The following ANKRD36 variants were observed in gnomAD, a reference collection of about 807,000 sequenced individuals.
ANKRD36 encodes ankyrin repeat domain-containing protein 36A.
ANKRD36 carries 179 observed loss-of-function variants against 278.1 expected under a neutral mutation model. That is an observed-to-expected ratio of 0.64 (90% CI 0.57 to 0.73). The LOEUF is 0.73. Ranked by LOEUF, ANKRD36 falls within the 30% of genes least tolerant of loss-of-function variation. The pLI is 0.00. For missense variants in ANKRD36, 1,159 were observed against 1,956.7 expected, an observed-to-expected ratio of 0.59 and a Z score of 7.69; for synonymous variants, 320 against 641.1, an observed-to-expected ratio of 0.50 and a Z score of 7.57.
At chr2:97,225,993 T>A (rs1228888022) in intron 67 of ANKRD36, among the ~76,000 whole-genome samples, 1 of 151,846 alleles carries the variant, frequency 6.6e-6, no homozygotes, top group East Asian at 2.0e-4. Flanking sequence ...CCATGGTGTC[T>A]ATGTGCCATA....
rs1478824647 is a variant in ANKRD36, at chr2:97,190,495, TCAA to T, written c.2246-482_2246-480del. ...CACTGAAGAGATGCGAAGTGTACTT[TCAA>T]GTGAATTGTCATGGTAATTGTGTGC... On this transcript the variant is annotated intron_variant, in intron 34 of 75. Transcript: ENST00000420699. 2.0e-5 allele frequency among the ~76,000 whole-genome samples: 3 copies of T among 151,836 alleles called. No individual in the cohort carries two copies. In the East Asian group the frequency reaches 5.9e-4, roughly 30 times the overall value.
At chr2:97,123,792 A>G (rs2037656322) in intron 4 of ANKRD36, among the ~76,000 whole-genome samples, 1 of 133,064 alleles carries the variant, frequency 7.5e-6, no homozygotes, top group Non-Finnish European at 1.7e-5. Flanking sequence ...TACAATATAT[A>G]CTTTATAGAT....
At chr2:97,203,699 G>C (rs188313593) in intron 48 of ANKRD36, among the ~76,000 whole-genome samples, 74 of 151,928 alleles carry the variant, frequency 4.9e-4, no homozygotes, top group Admixed American at 4.8e-3. Flanking sequence ...CTGTATGAAA[G>C]ACATGTGGGA....
chr2:97,128,573 G>C (rs1329541283), intron 6 of ANKRD36, among the ~76,000 whole-genome samples: 1 of 151,894 alleles, frequency 6.6e-6, no homozygotes, highest in Non-Finnish European at 1.5e-5. Context: ...TCCAAATATG[G>C]GGAACAAATC....
At chr2:97,197,739 G>C (rs1374682721) in intron 42 of ANKRD36, among the ~76,000 whole-genome samples, 10 of 151,910 alleles carry the variant, frequency 6.6e-5, no homozygotes, top group Non-Finnish European at 1.5e-4. Context: ...GTTTTACTTT[G>C]TATAGGTATG....
rs556774351 is a variant in ANKRD36 at position 97,187,955 on chromosome 2, A to G, written c.2143+554A>G. On this transcript the variant is annotated intron_variant, in intron 32 of 75. Coordinates refer to ENST00000420699, the MANE Select transcript of ANKRD36 (RefSeq NM_001354587.1). ...GAGGAAATCTGAGTGAACTCACTTC[A>G]CACGCATTTGGAATATGTGCCTAAA... Among the ~76,000 whole-genome samples, 4 of 151,894 alleles carry G rather than the reference A, an allele frequency of 2.6e-5. No individual in the cohort carries two copies. In the South Asian group the frequency reaches 8.4e-4, roughly 32 times the overall value.
chr2:97,177,540 T>C (rs2054663593), intron 22 of ANKRD36, among the ~76,000 whole-genome samples: 1 of 152,018 alleles, frequency 6.6e-6, no homozygotes, highest in Non-Finnish European at 1.5e-5. Flanking sequence ...TACAGCTACC[T>C]GATCTTTGAC....
In ANKRD36 at chr2:97,183,794, G is replaced by A. The variant is rs1202041216; in HGVS notation, c.1939+140G>A. The A allele has an allele frequency of 3.3e-6, 4 of 1,211,646 alleles. No individual in the cohort carries two copies. The East Asian group carries it at 1.0e-4, about 31-fold the overall frequency. 75.1% of individuals were successfully genotyped at this position (1,211,646 alleles called of 1,614,324 possible). On this transcript the variant is annotated intron_variant, in intron 28 of 75. Transcript: ENST00000420699. The stretch of plus-strand genomic sequence containing the variant: ...TGAGATTATGCATTTCTAGTAAGTT[G>A]TCAGGTGGTGCTGATGCTGCTGGTC...
intron 46 of ANKRD36, 21 bp from the exon 47 acceptor site, chr2:97,202,181 T>C: frequency 6.2e-7 from 1 of 1,608,950 alleles, no homozygotes; most frequent in African/African-American, 1.3e-5. Context: ...TGACTGATTA[T>C]GAATCCCTTT....
At chr2:97,170,886 C>T (rs555627455) in intron 22 of ANKRD36, among the ~76,000 whole-genome samples, 3,276 of 147,132 alleles carry the variant, frequency 0.022, 109 homozygotes, top group African/African-American at 0.077. Context: ...AAAAAGTGGG[C>T]GAAGGACATG....
In ANKRD36 at chr2:97,179,930, A is replaced by G. The variant is rs778932380; in HGVS notation, c.1732A>G (p.Thr578Ala). 2 of 1,605,244 alleles carry G rather than the reference A, an allele frequency of 1.2e-6. No homozygotes were observed. The highest frequency in any genetic ancestry group is 1.7e-5 in the Admixed American group (1 of 59,562). Reference protein sequence around the residue: ...TEIKEGPISGTVSSQKQPAEK... With the variant: ...TEIKEGPISGAVSSQKQPAEK... ...AATAAAGGAGGGACCAATATCTGGG[A>G]CAGGTAATTTTGCAAAACACATCTA... Residue 578 changes from threonine to alanine, a missense_variant, in exon 24 of 76, where the codon ACA becomes GCA. Coordinates refer to ENST00000420699, the MANE Select transcript of ANKRD36 (RefSeq NM_001354587.1).
chr2:97,187,282 A>G, intron 31 of ANKRD36, 47 bp from the exon 32 acceptor site: 1 of 1,601,060 alleles, frequency 6.2e-7, no homozygotes, highest in Non-Finnish European at 8.5e-7. Flanking sequence ...TATGAAATAT[A>G]CTTCATTGAT....
At chr2:97,225,877 T>C (rs868347325) in intron 67 of ANKRD36, among the ~76,000 whole-genome samples, 10 of 151,558 alleles carry the variant, frequency 6.6e-5, no homozygotes, top group South Asian at 4.3e-4. Flanking sequence ...CATGCAGTGT[T>C]TGGTTTTTTG....
At chr2:97,210,077 C>T (rs1364358427) in intron 56 of ANKRD36, among the ~76,000 whole-genome samples, 14 of 151,956 alleles carry the variant, frequency 9.2e-5, no homozygotes, top group African/African-American at 2.9e-4. Flanking sequence ...CCCTTCCCCA[C>T]ATTGAAATTG....
chr2:97,149,217 A>G (rs541898165), intron 11 of ANKRD36, 78 bp from the exon 12 acceptor site: 31,344 of 1,124,410 alleles, frequency 0.028, 900 homozygotes, highest in Middle Eastern at 0.039. Flanking sequence ...GAGTGGACAT[A>G]CGTGTATAGA....
At chr2:97,180,961 G>A (rs2056031425) in intron 24 of ANKRD36, among the ~76,000 whole-genome samples, 2 of 151,644 alleles carry the variant, frequency 1.3e-5, no homozygotes, top group Non-Finnish European at 2.9e-5. Context: ...GCCATGAGCG[G>A]ATGAAGAAAC....
intron 6 of ANKRD36, among the ~76,000 whole-genome samples, chr2:97,130,213 T>G (rs973011281): frequency 2.2e-4 from 34 of 151,772 alleles, no homozygotes; most frequent in African/African-American, 8.2e-4. Flanking sequence ...CCAACACTGA[T>G]AGACTGGATT....
At chr2:97,181,892 T>A in intron 26 of ANKRD36, 99 bp downstream of exon 26, 1 of 1,168,420 alleles carries the variant, frequency 8.6e-7, no homozygotes. Flanking sequence ...AAGCTGCACA[T>A]TCTGATTCAG....
intron 14 of ANKRD36, among the ~76,000 whole-genome samples, chr2:97,153,600 G>C (rs1270611001): frequency 6.8e-6 from 1 of 146,948 alleles, no homozygotes; most frequent in Non-Finnish European, 1.5e-5. Context: ...TTGCACTCAG[G>C]TTTCTTAGTT....
Sources: allele counts gnomAD v4.1 joint callset (sites outside exome capture counted in the v4.1 genomes callset), GRCh38; gene constraint gnomAD v4.1.1; transcripts MANE v1.5; gene names NCBI Gene and HGNC (gene_info 2026-07-23, HGNC 2026-07-21).